The following COL19A1 variants were observed in gnomAD, a reference collection of about 807,000 sequenced individuals.
COL19A1 encodes the protein collagen alpha-1(XIX) chain.
A neutral mutation model predicts 190.2 loss-of-function variants in COL19A1; 159 were observed. The observed-to-expected ratio is 0.84, with a 90% CI of 0.73 to 0.95. The LOEUF (loss-of-function observed/expected upper bound fraction) is 0.95. COL19A1 is among the 40% of genes least tolerant of loss of function. COL19A1 has a pLI of 0.00. For missense variants in COL19A1, 1,418 were observed against 1,431.9 expected (o/e 0.99, Z 0.16); for synonymous variants, 509 against 458.9 (o/e 1.11, Z -1.39).
At chr6:69,882,667 T>C (rs916257883) in intron 2 of COL19A1, among the ~76,000 whole-genome samples, 1 of 152,196 alleles carries the variant, frequency 6.6e-6, no homozygotes, top group Admixed American at 6.5e-5. Context: ...CATTTTCCTT[T>C]CATTATGATA....
chr6:70,050,704 G>A (rs1780155952), intron 14 of COL19A1, among the ~76,000 whole-genome samples: 1 of 151,938 alleles, frequency 6.6e-6, no homozygotes, highest in Non-Finnish European at 1.5e-5. Flanking sequence ...AATTAATTTA[G>A]GACAGGTGGT....
chr6:70,070,515 G>T (rs778284094), intron 15 of COL19A1, among the ~76,000 whole-genome samples: 1 of 152,106 alleles, frequency 6.6e-6, no homozygotes, highest in East Asian at 1.9e-4. Context: ...TTTATCAAAA[G>T]AAGTAGCTAG....
At chr6:69,908,976 CAT>C (rs948495399) in intron 4 of COL19A1, among the ~76,000 whole-genome samples, 9 of 152,160 alleles carry the variant, frequency 5.9e-5, no homozygotes, top group Admixed American at 5.2e-4. Context: ...TTGTGTTTCA[CAT>C]GAGTTAAAAT....
intron 7 of COL19A1, among the ~76,000 whole-genome samples, chr6:69,935,737 A>G (rs914159181): frequency 3.3e-5 from 5 of 151,474 alleles, no homozygotes; most frequent in Admixed American, 3.3e-4. Context: ...TCCAACTTTT[A>G]TTTTAAGTTC....
intron 45 of COL19A1, 52 bp from the exon 46 acceptor site, chr6:70,184,819 T>G: frequency 6.2e-7 from 1 of 1,609,042 alleles, no homozygotes; most frequent in South Asian, 1.1e-5. Flanking sequence ...TCAATCAGAC[T>G]GATGAAAAAT....
intron 7 of COL19A1, among the ~76,000 whole-genome samples, chr6:69,934,250 A>G (rs932492943): frequency 6.6e-6 from 1 of 152,000 alleles, no homozygotes; most frequent in Non-Finnish European, 1.5e-5. Flanking sequence ...AGCCAGCCAA[A>G]TATCTTTCTA....
chr6:70,078,376 G>A (rs1238212727), intron 15 of COL19A1, among the ~76,000 whole-genome samples: 1 of 152,216 alleles, frequency 6.6e-6, no homozygotes. Context: ...AACAGAGTGA[G>A]GGAAGCAGAC....
intron 4 of COL19A1, among the ~76,000 whole-genome samples, chr6:69,924,454 A>G (rs1306886232): frequency 1.3e-5 from 2 of 152,292 alleles, no homozygotes; most frequent in East Asian, 1.9e-4. Context: ...ATGGCTGCAT[A>G]GTATTCCATG....
intron 16 of COL19A1, among the ~76,000 whole-genome samples, chr6:70,116,761 G>A (rs1261066220): frequency 1.3e-5 from 2 of 152,048 alleles, no homozygotes; most frequent in Non-Finnish European, 2.9e-5. Context: ...TTTCCAACAA[G>A]CATTCTATCT....
chr6:69,926,696 G>A (rs1772420343), intron 4 of COL19A1, among the ~76,000 whole-genome samples: 1 of 151,996 alleles, frequency 6.6e-6, no homozygotes, highest in African/African-American at 2.4e-5. Context: ...AGTAAAGAAA[G>A]ACTATTTGAA....
At chr6:69,951,597 T>C (rs916772355) in intron 9 of COL19A1, among the ~76,000 whole-genome samples, 1 of 151,858 alleles carries the variant, frequency 6.6e-6, no homozygotes, top group East Asian at 1.9e-4. Context: ...AAACTAGATG[T>C]CAGAAAACCA....
chr6:69,897,535 A>G (rs940848908), intron 2 of COL19A1, among the ~76,000 whole-genome samples: 3 of 152,146 alleles, frequency 2.0e-5, no homozygotes, highest in Admixed American at 6.5e-5. Flanking sequence ...ATCTAGAGAT[A>G]AAACCAAGAA....
chr6:69,961,498 T>C (rs1774795537), intron 10 of COL19A1, among the ~76,000 whole-genome samples: 1 of 152,218 alleles, frequency 6.6e-6, no homozygotes, highest in Admixed American at 6.5e-5. Flanking sequence ...GCTGACATTG[T>C]GGCTGATGTA....
intron 30 of COL19A1, 142 bp from the exon 31 acceptor site, chr6:70,151,252 CATA>C (rs1787039034): frequency 1.5e-6 from 1 of 686,160 alleles, no homozygotes; most frequent in African/African-American, 1.8e-5. Flanking sequence ...TTATACGAAA[CATA>C]ATGTTAAGCC....
intron 42 of COL19A1, among the ~76,000 whole-genome samples, chr6:70,179,543 A>G (rs1048312908): frequency 6.6e-6 from 1 of 152,200 alleles, no homozygotes; most frequent in African/African-American, 2.4e-5. Flanking sequence ...TCAACAAAAC[A>G]TGGCTTTTCA....
intron 4 of COL19A1, among the ~76,000 whole-genome samples, chr6:69,909,536 G>A (rs1021461091): frequency 2.6e-5 from 4 of 152,132 alleles, no homozygotes; most frequent in African/African-American, 9.7e-5. Flanking sequence ...GAGAGTCAGA[G>A]ATGAATCAAG....
chr6:70,005,583 T>A (rs901400617), intron 11 of COL19A1, among the ~76,000 whole-genome samples: 11 of 152,134 alleles, frequency 7.2e-5, no homozygotes, highest in African/African-American at 2.7e-4. Context: ...GCCAGTAGGA[T>A]TGCTCCTGTA....
chr6:70,130,401 T>G (rs1298900159), intron 18 of COL19A1, among the ~76,000 whole-genome samples, 178 bp downstream of exon 18: 1 of 152,180 alleles, frequency 6.6e-6, no homozygotes, highest in Non-Finnish European at 1.5e-5. Flanking sequence ...AATTATTGTA[T>G]TTTTAGTAGA....
At chr6:70,190,558 C>T (rs1424644315) in intron 48 of COL19A1, among the ~76,000 whole-genome samples, 177 bp downstream of exon 48, 1 of 152,152 alleles carries the variant, frequency 6.6e-6, no homozygotes, top group Non-Finnish European at 1.5e-5. Flanking sequence ...ACAAAGTTAA[C>T]TTTTGCCTCC....
Sources: gnomAD v4.1 joint callset for allele counts (sites outside exome capture counted in the v4.1 genomes callset) on GRCh38, gnomAD v4.1.1 for gene constraint, MANE v1.5 for transcripts, NCBI Gene and HGNC (gene_info 2026-07-23, HGNC 2026-07-21) for gene names.